KCNE3: variants seen among roughly 807,000 people sequenced by gnomAD.
KCNE3 encodes the protein potassium voltage-gated channel subfamily E member 3.
A neutral mutation model predicts 4.3 loss-of-function variants in KCNE3; 2 were observed. The observed-to-expected ratio is 0.47, with a 90% CI of 0.19 to 1.48. KCNE3 has a LOEUF of 1.48. KCNE3 is among the 40% of genes most tolerant of loss of function. KCNE3 has a pLI of 0.25. For synonymous variants in KCNE3, 47 were observed against 52.0 expected (o/e 0.90, Z 0.41); for missense variants, 128 against 136.8 (o/e 0.94, Z 0.32).
intron 1 of KCNE3, among the ~76,000 whole-genome samples, chr11:74,465,094 C>T (rs1169289212): frequency 2.1e-5 from 3 of 144,434 alleles, no homozygotes; most frequent in African/African-American, 7.7e-5. Flanking sequence ...CTATACTGTA[C>T]TGAAACTCTG....
chr11:74,458,838 G>GAA, intron 2 of KCNE3, among the ~76,000 whole-genome samples: 1 of 130,722 alleles, frequency 7.6e-6, no homozygotes, highest in African/African-American at 2.8e-5. Flanking sequence ...TGTCTCAAAA[G>GAA]AAAAAAAAAA....
intron 1 of KCNE3, among the ~76,000 whole-genome samples, chr11:74,465,434 A>C (rs147147930): frequency 6.6e-6 from 1 of 152,204 alleles, no homozygotes. Context: ...CAGAGGAGGA[A>C]GAATTCTAAG....
chr11:74,457,373 A>G lies in KCNE3; in HGVS notation c.191T>C (p.Val64Ala), dbSNP rs752159282. 3.7e-6 allele frequency: 6 copies of G among 1,614,198 alleles called. No homozygotes were observed. The South Asian group carries it at 6.6e-5, about 18-fold the overall frequency. The change falls in exon 3 of 3, where the codon GTC (valine) becomes GCC (alanine). Residue 64 changes from valine (V) to alanine (A), a missense_variant. Physicochemically the swap from Val to Ala is moderately conservative, Grantham distance 64. Transcript: ENST00000310128. ...CACAGTTACAGCAAATAGAAACATG[A>G]CAAAGAGAATGTACATGTAGGAGTT... is the stretch of plus-strand genomic sequence containing the variant. ...DDNSYMYILF[V>A]MFLFAVTVGS... is the part of the protein sequence containing the mutation.
rs1210228180 is a variant in KCNE3, at chr11:74,457,278, T to A, written c.286A>T (p.Ile96Phe). 1.9e-6 allele frequency: 3 copies of A among 1,614,036 alleles called. No homozygotes were observed. The highest frequency in any genetic ancestry group is 2.5e-6 in the Non-Finnish European group (3 of 1,180,018). The part of the protein sequence containing the change: ...DKRSDPYHVY[I>F]KNRVSMI ...TAGATCATAGACACACGGTTCTTGA[T>A]ATACACATGATAGGGGTCACTACGC... is the stretch of plus-strand genomic sequence containing the variant. Residue 96 changes from isoleucine to phenylalanine, a missense_variant, in exon 3 of 3, where the codon ATC (isoleucine) becomes TTC (phenylalanine). Transcript: ENST00000310128.
intron 1 of KCNE3, among the ~76,000 whole-genome samples, chr11:74,465,347 G>A (rs1864039053): frequency 6.6e-6 from 1 of 152,116 alleles, no homozygotes; most frequent in African/African-American, 2.4e-5. Context: ...CTCCAGGGCA[G>A]GGCAAAACAG....
chr11:74,465,125 T>C (rs1864033938), intron 1 of KCNE3, among the ~76,000 whole-genome samples: 1 of 151,386 alleles, frequency 6.6e-6, no homozygotes, highest in Admixed American at 6.6e-5. Flanking sequence ...TGTGTGTGTG[T>C]ATGTGTGTGT....
chr11:74,458,158 G>A (rs1220235021), intron 2 of KCNE3, among the ~76,000 whole-genome samples: 1 of 152,144 alleles, frequency 6.6e-6, no homozygotes, highest in Non-Finnish European at 1.5e-5. Flanking sequence ...TTTACTCACT[G>A]CTATATGCAA....
chr11:74,461,095 A>G (rs944005638), intron 2 of KCNE3, among the ~76,000 whole-genome samples: 1 of 152,168 alleles, frequency 6.6e-6, no homozygotes, highest in Non-Finnish European at 1.5e-5. Context: ...TCTGAAGGAA[A>G]TAAGTTCCTT....
intron 1 of KCNE3, among the ~76,000 whole-genome samples, chr11:74,465,683 C>T (rs1430853955): frequency 2.0e-5 from 3 of 152,186 alleles, no homozygotes; most frequent in Non-Finnish European, 2.9e-5. Context: ...TGGCTGTATG[C>T]TTGGCTCTGT....
intron 2 of KCNE3, among the ~76,000 whole-genome samples, chr11:74,459,259 ATT>A (rs35194568): frequency 0.078 from 9,194 of 117,198 alleles, 161 homozygotes; most frequent in Middle Eastern, 0.11. Context: ...TATAGAAAAC[ATT>A]TTTTTTTTTT....
chr11:74,458,275 T>C lies in KCNE3; in HGVS notation c.-40-672A>G, dbSNP rs552341563. 2.6e-5 allele frequency among the ~76,000 whole-genome samples: 4 copies of C among 152,372 alleles called. No individual in the cohort carries two copies. In the East Asian group the frequency reaches 5.8e-4, roughly 22 times the overall value. On this transcript the variant is annotated intron_variant, in intron 2 of 2. Coordinates refer to ENST00000310128, the MANE Select transcript of KCNE3 (RefSeq NM_005472.5). ...TAATCTCTCCTTTCTTTGGTTTCTATAAATCACTGAACTTTAGATTAGAAG... is the reference window on the plus strand; with the variant it reads ...TAATCTCTCCTTTCTTTGGTTTCTACAAATCACTGAACTTTAGATTAGAAG...
chr11:74,467,279 C>A lies in KCNE3; in HGVS notation c.-190+119G>T, dbSNP rs114596416. 0.19 allele frequency: 29,133 copies of A among 152,388 alleles called. 2,955 individuals carry two copies. The highest frequency in any genetic ancestry group is 0.28 in the Middle Eastern group (84 of 296). The allele number at this position is 152,388 out of a possible 1,614,324, so 9.4% of individuals were successfully genotyped here. A position where few individuals can be genotyped will look rare whatever the true frequency, so the allele number is the denominator to read the frequency against. On this transcript the variant is annotated intron_variant, in intron 1 of 2. Coordinates refer to ENST00000310128, the MANE Select transcript of KCNE3 (RefSeq NM_005472.5). This position sits in a 1 kb window ranked among gnomAD's most constrained non-coding sequence, Gnocchi z 4.4. ...TTGCAGCGCCCACCCCTCCCCCACT[C>A]CCCCTCGGTTCCACAGTCTCACGGA...
At chr11:74,459,452 C>T (rs996500461) in intron 2 of KCNE3, among the ~76,000 whole-genome samples, 24 of 151,922 alleles carry the variant, frequency 1.6e-4, no homozygotes, top group African/African-American at 3.6e-4. Flanking sequence ...TTAGTAGAGA[C>T]AGGGTTTCAC....
At chr11:74,465,162 G>A (rs138030914) in intron 1 of KCNE3, among the ~76,000 whole-genome samples, 285 of 151,958 alleles carry the variant, frequency 1.9e-3, no homozygotes, top group African/African-American at 6.7e-3. Flanking sequence ...GTAACTGTGC[G>A]CTTTAAGGTA....
chr11:74,462,653 T>C (rs1017363158), intron 1 of KCNE3: 1 of 152,278 alleles, frequency 6.6e-6, no homozygotes, highest in African/African-American at 2.4e-5. Flanking sequence ...GAACATCATG[T>C]AGTGCTTGGC....
Position 74,456,927 on chromosome 11 carries a change from C to T in KCNE3, c.*325G>A. The T allele has an allele frequency of 2.7e-6, 1 of 369,208 alleles. No individual in the cohort carries two copies. Among genetic ancestry groups the T allele is most frequent in the Admixed American group, 4.1e-5 (1 of 24,176 alleles). 22.9% of individuals were successfully genotyped at this position (369,208 alleles called of 1,614,324 possible). A position where few individuals can be genotyped will look rare whatever the true frequency, so the allele number is the denominator to read the frequency against. On this transcript the variant is annotated 3_prime_UTR_variant, in exon 3 of 3. Transcript: ENST00000310128. Reference sequence around the variant, plus strand: ...GTCTCATTTCCCTCTGCTACAACTTCTTCTCCGTTCTCCAATCCCCAGGCC... The same window carrying T: ...GTCTCATTTCCCTCTGCTACAACTTTTTCTCCGTTCTCCAATCCCCAGGCC...
At position 74,454,940 on chromosome 11, in the gene KCNE3, C is replaced by T. The variant is rs1389637197; in HGVS notation, c.*2312G>A. 1 of 152,198 alleles carries T rather than the reference C, an allele frequency of 6.6e-6. No individual in the cohort carries two copies. Among genetic ancestry groups the T allele is most frequent in the Admixed American group, 6.5e-5 (1 of 15,274 alleles). 9.4% of individuals were successfully genotyped at this position (152,198 alleles called of 1,614,324 possible). ...GTTGTCTTCCCATATGTCACATCTC[C>T]TTAAGGAAGTCTCCACCTTCTCCCT... On this transcript the variant is annotated 3_prime_UTR_variant, in exon 3 of 3. Coordinates refer to ENST00000310128, the MANE Select transcript of KCNE3 (RefSeq NM_005472.5).
rs1863787915 is a variant in KCNE3, at chr11:74,455,426, T to A, written c.*1826A>T. The A allele has an allele frequency of 6.6e-6, 1 of 152,238 alleles. No individual in the cohort carries two copies. The highest frequency in any genetic ancestry group is 1.5e-5 in the Non-Finnish European group (1 of 68,046). 9.4% of individuals were successfully genotyped at this position (152,238 alleles called of 1,614,324 possible). On this transcript the variant is annotated 3_prime_UTR_variant, in exon 3 of 3. Coordinates refer to ENST00000310128, the MANE Select transcript of KCNE3 (RefSeq NM_005472.5). ...ATTGCATGTATTAGCTGGAACCATATATGAAACTACGATACTCAGCTGTTT... is the reference window on the plus strand; with the variant it reads ...ATTGCATGTATTAGCTGGAACCATAAATGAAACTACGATACTCAGCTGTTT...
chr11:74,457,958 G>A (rs1591224174), intron 2 of KCNE3, among the ~76,000 whole-genome samples: 1 of 152,182 alleles, frequency 6.6e-6, no homozygotes, highest in East Asian at 1.9e-4. Flanking sequence ...GTGATTGTGA[G>A]GCCTACCCAG....
Sources: gnomAD v4.1 joint callset for allele counts (sites outside exome capture counted in the v4.1 genomes callset) on GRCh38, gnomAD v4.1.1 for gene constraint, Gnocchi (gnomAD v3.1) non-coding constraint, MANE v1.5 for transcripts, NCBI Gene and HGNC (gene_info 2026-07-23, HGNC 2026-07-21) for gene names.